The following ITGA9 variants were observed in gnomAD, a reference collection of about 807,000 sequenced individuals.
ITGA9 encodes integrin subunit alpha 9, also known as integrin alpha-9.
ITGA9 carries 56 observed loss-of-function variants against 127.8 expected under a neutral mutation model. The ratio of observed to expected loss-of-function variants is 0.44; its 90% CI spans 0.35 to 0.55. The LOEUF (loss-of-function observed/expected upper bound fraction) is 0.55, where lower values mean the gene tolerates loss of function less well. Ranked by LOEUF, ITGA9 falls within the 20% of genes least tolerant of loss-of-function variation. The pLI is 0.00. For synonymous variants in ITGA9, 508 were observed against 514.5 expected (o/e 0.99, Z 0.17); for missense variants, 1,196 against 1,347.1 (o/e 0.89, Z 1.76).
At chr3:37,697,446 A>G (rs999882653) in intron 18 of ITGA9, among the ~76,000 whole-genome samples, 1 of 151,828 alleles carries the variant, frequency 6.6e-6, no homozygotes, top group Admixed American at 6.6e-5. Context: ...TTAACTCATC[A>G]TTTACATTAG....
chr3:37,730,011 T>C (rs140202165), intron 18 of ITGA9, among the ~76,000 whole-genome samples: 1 of 152,302 alleles, frequency 6.6e-6, no homozygotes, highest in Non-Finnish European at 1.5e-5. Flanking sequence ...CAATAAATCT[T>C]TACTTCAAGA....
intron 4 of ITGA9, among the ~76,000 whole-genome samples, chr3:37,488,868 G>C (rs1359173805): frequency 6.6e-6 from 1 of 151,924 alleles, no homozygotes; most frequent in Non-Finnish European, 1.5e-5. Flanking sequence ...TAAGTGTACA[G>C]TTCTGTAGCA....
chr3:37,726,330 T>G (rs2125686487), intron 18 of ITGA9, among the ~76,000 whole-genome samples: 1 of 152,318 alleles, frequency 6.6e-6, no homozygotes, highest in East Asian at 1.9e-4. Flanking sequence ...ATCTTCAGTT[T>G]AACAAACACA....
intron 15 of ITGA9, among the ~76,000 whole-genome samples, chr3:37,614,082 G>A (rs1341946826): frequency 2.0e-5 from 3 of 152,082 alleles, no homozygotes; most frequent in African/African-American, 7.2e-5. Context: ...TTCTTCTAGG[G>A]TTTTTATGGT....
intron 15 of ITGA9, among the ~76,000 whole-genome samples, chr3:37,600,763 T>C (rs1174779004): frequency 6.6e-6 from 1 of 152,156 alleles, no homozygotes; most frequent in African/African-American, 2.4e-5. Flanking sequence ...CTCTTTCTCT[T>C]CTGCCTACAA....
At chr3:37,704,949 T>A (rs181012247) in intron 18 of ITGA9, among the ~76,000 whole-genome samples, 176 of 152,346 alleles carry the variant, frequency 1.2e-3, no homozygotes, top group African/African-American at 4.1e-3. Flanking sequence ...ACTGAATGAA[T>A]AACAGGAAGC....
At chr3:37,782,819 A>G (rs2125552803) in intron 25 of ITGA9, among the ~76,000 whole-genome samples, 1 of 152,302 alleles carries the variant, frequency 6.6e-6, no homozygotes, top group South Asian at 2.1e-4. Context: ...ACAAGTTTTC[A>G]TTTGAAATGT....
At chr3:37,480,320 G>A (rs1276938987) in intron 3 of ITGA9, among the ~76,000 whole-genome samples, 1 of 152,182 alleles carries the variant, frequency 6.6e-6, no homozygotes, top group Non-Finnish European at 1.5e-5. Flanking sequence ...GCCTCATGGT[G>A]TCTTGCGTGG....
At chr3:37,673,394 A>G (rs1451010781) in intron 17 of ITGA9, among the ~76,000 whole-genome samples, 1 of 152,218 alleles carries the variant, frequency 6.6e-6, no homozygotes, top group Non-Finnish European at 1.5e-5. Flanking sequence ...CTTCTTGGGA[A>G]GTTCAGCCAG....
intron 23 of ITGA9, among the ~76,000 whole-genome samples, chr3:37,764,737 C>G (rs1437529952): frequency 6.6e-6 from 1 of 152,204 alleles, no homozygotes; most frequent in Non-Finnish European, 1.5e-5. Flanking sequence ...CATATGTCCT[C>G]TCTGTCAAGG....
intron 23 of ITGA9, among the ~76,000 whole-genome samples, chr3:37,774,241 C>T (rs1251822923): frequency 1.3e-5 from 2 of 152,196 alleles, no homozygotes; most frequent in African/African-American, 2.4e-5. Flanking sequence ...TTTATTGCAA[C>T]TTTCAACAAT....
At chr3:37,540,930 G>C (rs1245551404) in intron 14 of ITGA9, among the ~76,000 whole-genome samples, 3 of 152,256 alleles carry the variant, frequency 2.0e-5, no homozygotes, top group Non-Finnish European at 2.9e-5. Context: ...CGTTAAACAA[G>C]TTGGGGCAGA....
At chr3:37,736,337 T>G (rs1290476125) in intron 19 of ITGA9, among the ~76,000 whole-genome samples, 2 of 152,190 alleles carry the variant, frequency 1.3e-5, no homozygotes, top group African/African-American at 2.4e-5. Context: ...TCTTTAACAC[T>G]TCTCTATCAC....
chr3:37,479,736 G>A (rs1579052766), intron 3 of ITGA9, among the ~76,000 whole-genome samples: 1 of 152,316 alleles, frequency 6.6e-6, no homozygotes, highest in African/African-American at 2.4e-5. Context: ...TTTTAAGATG[G>A]AAAATGCTTC....
intron 1 of ITGA9, among the ~76,000 whole-genome samples, chr3:37,467,490 T>C (rs1179048421): frequency 6.6e-6 from 1 of 152,184 alleles, no homozygotes; most frequent in African/African-American, 2.4e-5. Flanking sequence ...CCCCTCCTGC[T>C]TAGATAACCT....
chr3:37,631,726 G>T (rs1007734293), intron 16 of ITGA9, among the ~76,000 whole-genome samples: 3 of 152,184 alleles, frequency 2.0e-5, no homozygotes, highest in African/African-American at 7.2e-5. Context: ...TACAGAGGGG[G>T]CCAGAGTAAG....
intron 15 of ITGA9, among the ~76,000 whole-genome samples, chr3:37,627,428 A>G (rs1402316324): frequency 2.0e-5 from 3 of 152,040 alleles, no homozygotes; most frequent in Non-Finnish European, 4.4e-5. Context: ...GTGTCTCTGC[A>G]TGCATTCTAC....
At chr3:37,787,630 G>GAA (rs201518470) in intron 26 of ITGA9, among the ~76,000 whole-genome samples, 1 of 149,734 alleles carries the variant, frequency 6.7e-6, no homozygotes, top group Admixed American at 6.7e-5. Flanking sequence ...TTCCTGGCAG[G>GAA]AAAAAAAAAA....
At chr3:37,580,221 A>T (rs1013986213) in intron 15 of ITGA9, among the ~76,000 whole-genome samples, 1 of 152,132 alleles carries the variant, frequency 6.6e-6, no homozygotes, top group African/African-American at 2.4e-5. Flanking sequence ...AAGATGGGAG[A>T]TGTCTGAGAA....
Sources: gnomAD v4.1 joint callset for allele counts (sites outside exome capture counted in the v4.1 genomes callset) on GRCh38, gnomAD v4.1.1 for gene constraint, MANE v1.5 for transcripts, NCBI Gene and HGNC (gene_info 2026-07-23, HGNC 2026-07-21) for gene names.